Variants in ADAMTS19 observed in about 807,000 individuals in gnomAD.
The protein encoded by ADAMTS19 is ADAM metallopeptidase with thrombospondin type 1 motif 19, also known as A disintegrin and metalloproteinase with thrombospondin motifs 19.
In ADAMTS19, 93 loss-of-function variants were observed where a neutral mutation model predicts 153.3. The ratio of observed to expected loss-of-function variants is 0.61; its 90% confidence interval spans 0.51 to 0.72. The LOEUF is 0.72. Ranked by LOEUF, ADAMTS19 falls within the 30% of genes least tolerant of loss-of-function variation. The pLI is 0.00. For missense variants in ADAMTS19, 1,482 were observed against 1,552.1 expected, an observed-to-expected ratio of 0.95 and a Z score of 0.76; for synonymous variants, 600 against 556.6, an observed-to-expected ratio of 1.08 and a Z score of -1.10.
intron 3 of ADAMTS19, among the ~76,000 whole-genome samples, chr5:129,518,128 CTATTTA>C (rs1218966031): frequency 1.3e-5 from 2 of 151,912 alleles, no homozygotes; most frequent in Admixed American, 1.3e-4. Flanking sequence ...TTTTTTGTTT[CTATTTA>C]TATCTTTGTA....
At chr5:129,663,171 G>A (rs1256637782) in intron 15 of ADAMTS19, among the ~76,000 whole-genome samples, 2 of 152,088 alleles carry the variant, frequency 1.3e-5, no homozygotes, top group Admixed American at 6.5e-5. Context: ...TGGGATTATA[G>A]GCGTTAGCCA....
intron 2 of ADAMTS19, among the ~76,000 whole-genome samples, chr5:129,474,339 A>G (rs1750158299): frequency 6.6e-6 from 1 of 152,038 alleles, no homozygotes; most frequent in South Asian, 2.1e-4. Context: ...TTTTTTGGCT[A>G]TTATGAATAA....
intron 11 of ADAMTS19, among the ~76,000 whole-genome samples, chr5:129,643,451 G>C (rs1245108172): frequency 6.6e-6 from 1 of 151,872 alleles, no homozygotes; most frequent in Non-Finnish European, 1.5e-5. Flanking sequence ...TCTTGGGAGG[G>C]AAGTAGAATT....
At position 129,461,268 on chromosome 5, in the gene ADAMTS19, A is replaced by C. The variant is rs1749643976; in HGVS notation, c.258A>C (p.Ser86=). 2 of 1,268,894 alleles carry C rather than the reference A, an allele frequency of 1.6e-6. No individual in the cohort carries two copies. Among genetic ancestry groups the C allele is most frequent in the South Asian group, 6.4e-5 (2 of 31,252 alleles). The allele number at this position is 1,268,894 out of a possible 1,614,324, so 78.6% of individuals were successfully genotyped here. A position where few individuals can be genotyped will look rare whatever the true frequency, so the allele number is the denominator to read the frequency against. ...GSARAQAAGS[S]REVRSVAPVP... ...CCCGGGCGCAGGCTGCCGGCAGCTC[A>C]CGCGAGGTGCGCTCTGTGGCTCCGG... The change falls in exon 2 of 23, where the codon TCA becomes TCC. Residue 86 remains serine (S), a synonymous_variant. Coordinates refer to ENST00000274487, the MANE Select transcript of ADAMTS19 (RefSeq NM_133638.6). This position sits in a 1 kb window ranked among gnomAD's most constrained non-coding sequence, Gnocchi z 4.6.
At chr5:129,502,002 G>A (rs958880193) in intron 2 of ADAMTS19, among the ~76,000 whole-genome samples, 1 of 152,188 alleles carries the variant, frequency 6.6e-6, no homozygotes, top group African/African-American at 2.4e-5. Context: ...AGTTAATCTT[G>A]AAGGGTGGCG....
chr5:129,513,889 T>C (rs1751514062), intron 3 of ADAMTS19, among the ~76,000 whole-genome samples: 1 of 152,078 alleles, frequency 6.6e-6, no homozygotes, highest in Non-Finnish European at 1.5e-5. Context: ...TATTCATTTT[T>C]TCTAACTTTT....
intron 10 of ADAMTS19, among the ~76,000 whole-genome samples, chr5:129,624,929 G>T (rs1172728026): frequency 2.6e-5 from 4 of 151,978 alleles, no homozygotes; most frequent in African/African-American, 9.7e-5. Flanking sequence ...TTGGTTTGCT[G>T]CACCCATTAA....
At chr5:129,642,241 A>T (rs546930756) in intron 11 of ADAMTS19, among the ~76,000 whole-genome samples, 36 of 151,998 alleles carry the variant, frequency 2.4e-4, no homozygotes, top group Admixed American at 2.1e-3. Flanking sequence ...AAAAATGTGA[A>T]TTTTTTTACT....
At chr5:129,650,542 C>T (rs552834589) in intron 13 of ADAMTS19, among the ~76,000 whole-genome samples, 29 of 152,192 alleles carry the variant, frequency 1.9e-4, no homozygotes, top group African/African-American at 5.1e-4. Context: ...TATCAAGACA[C>T]GTTAGCCTAA....
At chr5:129,624,734 C>T (rs2126985922) in intron 10 of ADAMTS19, among the ~76,000 whole-genome samples, 1 of 152,174 alleles carries the variant, frequency 6.6e-6, no homozygotes, top group East Asian at 1.9e-4. Context: ...TAATATATCA[C>T]ATGCAATTAA....
chr5:129,463,970 A>G (rs886573504), intron 2 of ADAMTS19, among the ~76,000 whole-genome samples: 1 of 152,214 alleles, frequency 6.6e-6, no homozygotes, highest in Non-Finnish European at 1.5e-5. Flanking sequence ...ATCAAATGTT[A>G]TGCTAAGGTA....
intron 16 of ADAMTS19, among the ~76,000 whole-genome samples, chr5:129,676,534 G>T (rs1204698623): frequency 6.6e-6 from 1 of 151,970 alleles, no homozygotes; most frequent in Non-Finnish European, 1.5e-5. Flanking sequence ...ATATTTTCAA[G>T]CAGAAAGCCA....
At chr5:129,508,411 A>G (rs936224402) in intron 2 of ADAMTS19, among the ~76,000 whole-genome samples, 1 of 152,122 alleles carries the variant, frequency 6.6e-6, no homozygotes, top group South Asian at 2.1e-4. Flanking sequence ...TATTACAAGT[A>G]TACCTACTTG....
intron 18 of ADAMTS19, among the ~76,000 whole-genome samples, chr5:129,690,935 T>A (rs1755305011): frequency 6.6e-6 from 1 of 152,162 alleles, no homozygotes; most frequent in African/African-American, 2.4e-5. Context: ...TTAAATAATG[T>A]ATAGAAAATT....
At chr5:129,498,867 G>T (rs910297754) in intron 2 of ADAMTS19, among the ~76,000 whole-genome samples, 1 of 144,010 alleles carries the variant, frequency 6.9e-6, no homozygotes, top group African/African-American at 2.6e-5. Flanking sequence ...TTTCTTAAGT[G>T]TATTTTTCTG....
intron 22 of ADAMTS19, among the ~76,000 whole-genome samples, chr5:129,735,333 G>A (rs1228821038): frequency 6.6e-6 from 1 of 151,964 alleles, no homozygotes; most frequent in Non-Finnish European, 1.5e-5. Flanking sequence ...TCCAATCAGA[G>A]CCAGGTCCAG....
At chr5:129,626,724 T>C (rs1234357659) in intron 10 of ADAMTS19, among the ~76,000 whole-genome samples, 1 of 152,156 alleles carries the variant, frequency 6.6e-6, no homozygotes, top group Non-Finnish European at 1.5e-5. Flanking sequence ...TTCCAGGCAC[T>C]GTATGAAGCA....
intron 7 of ADAMTS19, among the ~76,000 whole-genome samples, chr5:129,578,379 C>T (rs1355401796): frequency 1.2e-4 from 15 of 124,690 alleles, no homozygotes; most frequent in East Asian, 7.8e-4. Flanking sequence ...TGTACGTATA[C>T]GTACATATAC....
chr5:129,652,754 C>T (rs1270867861), intron 13 of ADAMTS19, among the ~76,000 whole-genome samples: 1 of 152,088 alleles, frequency 6.6e-6, no homozygotes, highest in Non-Finnish European at 1.5e-5. Context: ...AGACTAACTC[C>T]TTTCAATATT....
Sources: gnomAD v4.1 joint callset for allele counts (sites outside exome capture counted in the v4.1 genomes callset) on GRCh38, gnomAD v4.1.1 for gene constraint, Gnocchi (gnomAD v3.1) non-coding constraint, MANE v1.5 for transcripts, NCBI Gene and HGNC (gene_info 2026-07-23, HGNC 2026-07-21) for gene names.